The following CSMD1 variants were observed in gnomAD, a reference collection of about 807,000 sequenced individuals.
CSMD1 encodes the protein CUB and sushi domain-containing protein 1.
CSMD1 carries 213 observed loss-of-function variants against 417.5 expected under a neutral mutation model. That is an observed-to-expected ratio of 0.51 (90% CI 0.46 to 0.57). The LOEUF (loss-of-function observed/expected upper bound fraction) is 0.57. Ranked by LOEUF, CSMD1 falls within the 20% of genes least tolerant of loss-of-function variation. CSMD1 has a pLI of 0.00. For synonymous variants in CSMD1, 2,862 were observed against 1,736.8 expected (o/e 1.65, Z -16.11); for missense variants, 6,923 against 4,529.7 (o/e 1.53, Z -15.17).
At chr8:4,268,821 C>T (rs979894926) in intron 3 of CSMD1, among the ~76,000 whole-genome samples, 1 of 151,856 alleles carries the variant, frequency 6.6e-6, no homozygotes. Context: ...GTTAATAGCC[C>T]CCAAGTAATC....
At chr8:4,077,221 A>G (rs1799864997) in intron 3 of CSMD1, among the ~76,000 whole-genome samples, 2 of 149,132 alleles carry the variant, frequency 1.3e-5, no homozygotes, top group African/African-American at 5.0e-5. Flanking sequence ...GAGCTCTGTG[A>G]ATTTCAGCTA....
At chr8:3,611,221 C>G (rs187388139) in intron 8 of CSMD1, among the ~76,000 whole-genome samples, 1 of 149,048 alleles carries the variant, frequency 6.7e-6, no homozygotes, top group Admixed American at 6.8e-5. Context: ...ACCCTAAAAA[C>G]TTAAAGTATA....
intron 6 of CSMD1, among the ~76,000 whole-genome samples, chr8:3,736,813 C>T (rs73187257): frequency 0.051 from 7,700 of 152,280 alleles, 289 homozygotes; most frequent in East Asian, 0.11. Flanking sequence ...TAAATAGGCC[C>T]TGTTTTGTGA....
chr8:3,699,142 G>C (rs116648265), intron 7 of CSMD1, among the ~76,000 whole-genome samples: 1 of 152,212 alleles, frequency 6.6e-6, no homozygotes, highest in African/African-American at 2.4e-5. Flanking sequence ...AGTAACAAAT[G>C]AACTCCTTCA....
At chr8:3,809,001 A>G (rs952517283) in intron 5 of CSMD1, among the ~76,000 whole-genome samples, 2 of 152,148 alleles carry the variant, frequency 1.3e-5, no homozygotes, top group Non-Finnish European at 2.9e-5. Flanking sequence ...TCAACATGAC[A>G]TGGATGATTC....
intron 8 of CSMD1, among the ~76,000 whole-genome samples, chr8:3,592,915 C>T (rs1449177133): frequency 6.6e-6 from 1 of 151,978 alleles, no homozygotes; most frequent in Non-Finnish European, 1.5e-5. Context: ...AGTCAAAGCC[C>T]ACAGTGTGGA....
intron 3 of CSMD1, among the ~76,000 whole-genome samples, chr8:4,259,680 G>C (rs148845877): frequency 6.6e-6 from 1 of 151,956 alleles, no homozygotes; most frequent in Non-Finnish European, 1.5e-5. Flanking sequence ...ACTGGGTCCT[G>C]AAATTTCTAT....
intron 46 of CSMD1, among the ~76,000 whole-genome samples, chr8:3,103,389 A>T (rs1337387407): frequency 6.6e-6 from 1 of 152,104 alleles, no homozygotes; most frequent in East Asian, 1.9e-4. Context: ...CTACACAATT[A>T]AGCCATATGG....
intron 3 of CSMD1, among the ~76,000 whole-genome samples, chr8:4,418,048 C>G (rs1235188786): frequency 1.3e-5 from 2 of 151,942 alleles, no homozygotes; most frequent in South Asian, 2.1e-4. Flanking sequence ...GACCTGGAAG[C>G]TAACTGATAA....
At chr8:4,612,610 A>G (rs568967648) in intron 2 of CSMD1, among the ~76,000 whole-genome samples, 2 of 152,288 alleles carry the variant, frequency 1.3e-5, no homozygotes, top group African/African-American at 4.8e-5. Flanking sequence ...ACCAGAAACC[A>G]TGAGGACAAG....
intron 3 of CSMD1, among the ~76,000 whole-genome samples, chr8:4,292,284 G>T (rs996799821): frequency 6.6e-6 from 1 of 151,974 alleles, no homozygotes; most frequent in South Asian, 2.1e-4. Context: ...ACAGAGTCTC[G>T]CTCTGTCGCC....
At chr8:4,314,370 T>G (rs1051476967) in intron 3 of CSMD1, among the ~76,000 whole-genome samples, 1 of 152,198 alleles carries the variant, frequency 6.6e-6, no homozygotes, top group African/African-American at 2.4e-5. Flanking sequence ...TCCTACATAT[T>G]TCTGTCAGGG....
At position 4,637,376 on chromosome 8, in the gene CSMD1, C is replaced by T. The variant is rs201992115; in HGVS notation, c.268G>A (p.Asp90Asn). The T allele has an allele frequency of 1.4e-5, 23 of 1,613,806 alleles. No homozygotes were observed. Among genetic ancestry groups the T allele is most frequent in the Middle Eastern group, 1.6e-4 (1 of 6,084 alleles). ...EEDFDILSVY[D>N]GQPQQGNLKV... The stretch of plus-strand genomic sequence containing the variant: ...AAATTCCCTTGTTGAGGCTGTCCAT[C>T]GTAAACTGATAAAATATCAAAATCT... Residue 90 changes from aspartate (D) to asparagine (N), a missense_variant, in exon 2 of 70, where the codon GAT (aspartate) becomes AAT (asparagine). Physicochemically the swap from Asp to Asn is conservative, Grantham distance 23. Transcript: ENST00000635120.
chr8:4,039,163 G>C (rs879341495), intron 3 of CSMD1, among the ~76,000 whole-genome samples: 1 of 152,158 alleles, frequency 6.6e-6, no homozygotes, highest in Admixed American at 6.5e-5. Flanking sequence ...ACAATCAGTG[G>C]AATTTCATGA....
chr8:4,510,014 T>C (rs186119956), intron 2 of CSMD1, among the ~76,000 whole-genome samples: 218 of 152,204 alleles, frequency 1.4e-3, no homozygotes, highest in Non-Finnish European at 2.5e-3. Context: ...TTCCCACATG[T>C]TGTGGGAGGG....
At chr8:4,417,585 G>A (rs376713010) in intron 3 of CSMD1, among the ~76,000 whole-genome samples, 8 of 151,812 alleles carry the variant, frequency 5.3e-5, no homozygotes, top group South Asian at 2.1e-4. Context: ...GCCTTTATAC[G>A]TCTTGGATTA....
At chr8:4,386,196 C>A in intron 3 of CSMD1, among the ~76,000 whole-genome samples, 1 of 152,088 alleles carries the variant, frequency 6.6e-6, no homozygotes, top group Non-Finnish European at 1.5e-5. Context: ...ATTCTCCTAC[C>A]TTCCATCCCT....
intron 62 of CSMD1, among the ~76,000 whole-genome samples, chr8:2,959,435 TC>T (rs1803276259): frequency 6.6e-6 from 1 of 152,316 alleles, no homozygotes; most frequent in Non-Finnish European, 1.5e-5. Flanking sequence ...CCATCAACTC[TC>T]CATGCAAGCA....
At chr8:3,294,842 T>A (rs1053194910) in intron 25 of CSMD1, among the ~76,000 whole-genome samples, 6 of 152,096 alleles carry the variant, frequency 3.9e-5, no homozygotes, top group African/African-American at 1.4e-4. Flanking sequence ...TGCACCCACT[T>A]TCCGACACTC....
Sources: gnomAD v4.1 joint callset for allele counts (sites outside exome capture counted in the v4.1 genomes callset) on GRCh38, gnomAD v4.1.1 for gene constraint, MANE v1.5 for transcripts, NCBI Gene and HGNC (gene_info 2026-07-23, HGNC 2026-07-21) for gene names.